EXT1: variants seen among roughly 807,000 people sequenced by gnomAD.
EXT1 encodes exostosin-1.
EXT1 carries 20 observed loss-of-function variants against 82.5 expected under a neutral mutation model. The ratio of observed to expected loss-of-function variants is 0.24; its 90% CI spans 0.17 to 0.35. The LOEUF is 0.35. Among genes scored for constraint, EXT1 ranks in the 10% least tolerant of loss-of-function variants. EXT1 has a pLI of 1.00. For missense variants in EXT1, 757 were observed against 936.5 expected, an observed-to-expected ratio of 0.81 and a Z score of 2.50; for synonymous variants, 348 against 350.8, an observed-to-expected ratio of 0.99 and a Z score of 0.09.
At chr8:118,048,026 A>T (rs6997044) in intron 1 of EXT1, among the ~76,000 whole-genome samples, 3,628 of 57,488 alleles carry the variant, frequency 0.063, 141 homozygotes, top group African/African-American at 0.15. Flanking sequence ...AATTAATATT[A>T]AAAAAAAAAA....
intron 7 of EXT1, among the ~76,000 whole-genome samples, chr8:117,817,502 T>C (rs1319838800): frequency 6.6e-6 from 1 of 151,902 alleles, no homozygotes; most frequent in Non-Finnish European, 1.5e-5. Context: ...ATGCGTAAGA[T>C]CTATAAGTAA....
At chr8:117,994,138 GCTC>G in intron 1 of EXT1, among the ~76,000 whole-genome samples, 1 of 152,134 alleles carries the variant, frequency 6.6e-6, no homozygotes, top group East Asian at 1.9e-4. Context: ...ATTTTAAACA[GCTC>G]CCCATTTGCC....
At chr8:117,894,967 T>C (rs1399029367) in intron 1 of EXT1, among the ~76,000 whole-genome samples, 1 of 151,956 alleles carries the variant, frequency 6.6e-6, no homozygotes, top group Non-Finnish European at 1.5e-5. Flanking sequence ...TTTCACTGAA[T>C]ATAAATAGGC....
chr8:117,900,418 T>TG (rs1207471813), intron 1 of EXT1, among the ~76,000 whole-genome samples: 3 of 152,234 alleles, frequency 2.0e-5, no homozygotes, highest in African/African-American at 7.2e-5. Flanking sequence ...AGAGAACACC[T>TG]GGGCATGAAT....
chr8:117,828,993 T>C (rs988562729), intron 4 of EXT1, among the ~76,000 whole-genome samples: 1 of 152,148 alleles, frequency 6.6e-6, no homozygotes, highest in Admixed American at 6.5e-5. Flanking sequence ...TTCAGTTTCT[T>C]GGTATTACTC....
chr8:117,861,111 A>T (rs17503754), intron 1 of EXT1, among the ~76,000 whole-genome samples: 5,329 of 152,292 alleles, frequency 0.035, 320 homozygotes, highest in African/African-American at 0.12. Context: ...GTCCTCATGG[A>T]AACATATCTT....
intron 1 of EXT1, among the ~76,000 whole-genome samples, chr8:117,951,270 T>A (rs1265781541): frequency 6.6e-6 from 1 of 152,206 alleles, no homozygotes; most frequent in Non-Finnish European, 1.5e-5. Context: ...CCTACCTAAA[T>A]TGGCCTCTTT....
At chr8:117,859,626 A>G (rs1347235956) in intron 1 of EXT1, among the ~76,000 whole-genome samples, 3 of 152,242 alleles carry the variant, frequency 2.0e-5, no homozygotes, top group Admixed American at 1.3e-4. Context: ...AAAAATACTC[A>G]ACAATGAAAT....
chr8:117,942,117 A>T (rs1387957131), intron 1 of EXT1, among the ~76,000 whole-genome samples: 2 of 152,190 alleles, frequency 1.3e-5, no homozygotes, highest in Non-Finnish European at 2.9e-5. Context: ...TTTAACATGG[A>T]GGACCCATCC....
intron 1 of EXT1, among the ~76,000 whole-genome samples, chr8:117,881,051 A>C (rs1260735199): frequency 6.6e-6 from 1 of 152,156 alleles, no homozygotes; most frequent in African/African-American, 2.4e-5. Flanking sequence ...CAATAAAGCC[A>C]TCTAGTAGAA....
chr8:117,801,907 T>C (rs1823172306), intron 10 of EXT1, among the ~76,000 whole-genome samples: 1 of 152,264 alleles, frequency 6.6e-6, no homozygotes, highest in Non-Finnish European at 1.5e-5. Context: ...TTTACACTCA[T>C]TCCTATTCAA....
In EXT1 at chr8:118,082,643, G is replaced by A. The variant is rs148769819; in HGVS notation, c.962+27442C>T. 6.6e-5 allele frequency among the ~76,000 whole-genome samples: 10 copies of A among 152,316 alleles called. 1 individual carries two copies. Among genetic ancestry groups the A allele is most frequent in the Middle Eastern group, 3.4e-3 (1 of 294 alleles). On this transcript the variant is annotated intron_variant, in intron 1 of 10. Transcript: ENST00000378204. ...ACAGATGGGCAAAATTTAAGTAAAT[G>A]TGGGGTATCAATTTCTATACAACAA...
rs1221267021 is a variant in EXT1 at position 118,019,509 on chromosome 8, A to G, written c.962+90576T>C. Among the ~76,000 whole-genome samples the G allele has an allele frequency of 3.9e-5, 6 of 152,248 alleles. No homozygotes were observed. In the East Asian group the frequency reaches 9.6e-4, roughly 24 times the overall value. The stretch of plus-strand genomic sequence containing the variant: ...GCACTAAACAGTGAGCAGAACCACA[A>G]GGTAAATGGTGGGTCCAGATTCTAT... On this transcript the variant is annotated intron_variant, in intron 1 of 10. Coordinates refer to ENST00000378204, the MANE Select transcript of EXT1 (RefSeq NM_000127.3).
At chr8:118,068,568 G>T (rs1817031523) in intron 1 of EXT1, among the ~76,000 whole-genome samples, 1 of 152,068 alleles carries the variant, frequency 6.6e-6, no homozygotes, top group African/African-American at 2.4e-5. Flanking sequence ...ACTTGTAAGT[G>T]AGAACATGCA....
intron 3 of EXT1, among the ~76,000 whole-genome samples, chr8:117,832,240 C>T (rs113401439): frequency 3.3e-5 from 5 of 152,206 alleles, no homozygotes; most frequent in African/African-American, 1.2e-4. Flanking sequence ...TAGAAAAATG[C>T]CTAAGGCCGG....
chr8:118,022,191 C>G (rs1271666377), intron 1 of EXT1, among the ~76,000 whole-genome samples: 1 of 151,702 alleles, frequency 6.6e-6, no homozygotes, highest in Non-Finnish European at 1.5e-5. Context: ...AATTATATTA[C>G]CTATGAGCAA....
At chr8:117,933,234 GTATTT>G (rs1563605330) in intron 1 of EXT1, among the ~76,000 whole-genome samples, 2 of 82,736 alleles carry the variant, frequency 2.4e-5, no homozygotes, top group African/African-American at 1.1e-4. Flanking sequence ...GTTCTGCTGG[GTATTT>G]TTTTTTTTTT....
Position 117,848,538 on chromosome 8 carries a change from A to T in EXT1, c.963-11337T>A, listed in dbSNP as rs558470155. Among the ~76,000 whole-genome samples, 72 of 152,240 alleles carry T rather than the reference A, an allele frequency of 4.7e-4. 1 individual carries two copies. Among genetic ancestry groups the T allele is most frequent in the African/African-American group, 1.7e-3 (70 of 41,548 alleles). On this transcript the variant is annotated intron_variant, in intron 1 of 10. Transcript: ENST00000378204. ...TAAGCACTGGATTGAGGAGAGGTGG[A>T]CCAGATGGCCCAAAGGATGCCTTCA... is the stretch of plus-strand genomic sequence containing the variant.
chr8:118,070,815 C>T (rs966147544), intron 1 of EXT1, among the ~76,000 whole-genome samples: 16 of 152,090 alleles, frequency 1.1e-4, no homozygotes, highest in African/African-American at 3.4e-4. Flanking sequence ...TGTAACTGTT[C>T]CCTCCATCCT....
Sources: allele counts gnomAD v4.1 joint callset (sites outside exome capture counted in the v4.1 genomes callset), GRCh38; gene constraint gnomAD v4.1.1; transcripts MANE v1.5; gene names NCBI Gene and HGNC (gene_info 2026-07-23, HGNC 2026-07-21).